ING1: variants seen among roughly 807,000 people sequenced by gnomAD.
The protein encoded by ING1 is inhibitor of growth protein 1.
Under a neutral mutation model 23.1 loss-of-function variants are expected in ING1, and 4 were observed. The observed-to-expected ratio is 0.17, with a 90% CI of 0.09 to 0.40. The LOEUF (loss-of-function observed/expected upper bound fraction) is 0.40. Ranked by LOEUF, ING1 falls within the 10% of genes least tolerant of loss-of-function variation. The pLI, the probability that ING1 is intolerant of heterozygous loss-of-function variation, is 1.00. For missense variants in ING1, 256 were observed against 393.8 expected, an observed-to-expected ratio of 0.65 and a Z score of 2.96; for synonymous variants, 179 against 166.4, an observed-to-expected ratio of 1.08 and a Z score of -0.58.
Position 110,723,077 on chromosome 13 carries a change from TATA to T in ING1, c.*3149_*3151del, listed in dbSNP as rs1469404983. On this transcript the variant is annotated 3_prime_UTR_variant, in exon 2 of 2. Transcript: ENST00000333219. ...AGGGTCCAAAGTGTTTTCGTTATGA[TATA>T]ATACTTTCTATTGTAAACTGGACTA... 1.3e-5 allele frequency: 2 copies of T among 152,216 alleles called. No individual in the cohort carries two copies. Among genetic ancestry groups the T allele is most frequent in the African/African-American group, 4.8e-5 (2 of 41,456 alleles). 9.4% of individuals were successfully genotyped at this position (152,216 alleles called of 1,614,324 possible).
chr13:110,715,046 G>C, intron 1 of ING1: 3 of 1,003,340 alleles, frequency 3.0e-6, no homozygotes, highest in Non-Finnish European at 3.6e-6. Flanking sequence ...TCGCTGGCTT[G>C]GAGAGGACTG....
At chr13:110,713,097 T>A, upstream of ING1, 1 of 1,439,378 alleles carries the variant, frequency 6.9e-7, no homozygotes, top group Non-Finnish European at 9.1e-7. Flanking sequence ...CCCGGAGGAC[T>A]TGGGTTTCTA....
rs554816174 is a variant in ING1 at position 110,715,595 on chromosome 13, G to C, written c.136+1310G>C. On this transcript the variant is annotated intron_variant, in intron 1 of 1. Coordinates refer to ENST00000333219, the MANE Select transcript of ING1 (RefSeq NM_198219.3). ...GGGAGGAGCGGGGTGGAGGGTGGAC[G>C]AGTTGATTTGAACGTCTTCGGGTCG... 2.4e-5 allele frequency: 39 copies of C among 1,613,990 alleles called. 2 individuals carry two copies. The highest frequency in any genetic ancestry group is 2.4e-4 in the South Asian group (22 of 91,088).
Position 110,714,079 on chromosome 13 carries a change from T to G in ING1, c.-71T>G. On this transcript the variant is annotated 5_prime_UTR_variant, in exon 1 of 2. The change creates a new upstream start codon in the 5' untranslated region. Coordinates refer to ENST00000333219, the MANE Select transcript of ING1 (RefSeq NM_198219.3). ...AGGGCTTTGCATTTTGCAGTGCTAT[T>G]TTTTGAGGGGGGCGGGGGGTGGAGG... The G allele has an allele frequency of 3.5e-6, 5 of 1,437,258 alleles. No individual in the cohort carries two copies. The highest frequency in any genetic ancestry group is 5.2e-5 in the Admixed American group (2 of 38,418). 89.0% of individuals were successfully genotyped at this position (1,437,258 alleles called of 1,614,324 possible).
At chr13:110,713,493 C>T, upstream of ING1, 1 of 987,244 alleles carries the variant, frequency 1.0e-6, no homozygotes, top group African/African-American at 1.7e-5. Context: ...TGACGCTGTC[C>T]CCTCCGCGAC....
In ING1 at chr13:110,715,651, C is replaced by G. The variant is rs759432527; in HGVS notation, c.136+1366C>G. ...CCTCCAGCCTTGGATTGGTTCTTCT[C>G]GCTGCTGGGGCGGGCCGTGCTCTTC... On this transcript the variant is annotated intron_variant, in intron 1 of 1. Coordinates refer to ENST00000333219, the MANE Select transcript of ING1 (RefSeq NM_198219.3). The G allele has an allele frequency of 1.3e-5, 21 of 1,612,640 alleles. No homozygotes were observed. The highest frequency in any genetic ancestry group is 1.8e-5 in the Non-Finnish European group (21 of 1,179,476).
chr13:110,720,981 T>C lies in ING1; in HGVS notation c.*1049T>C, dbSNP rs1424790174. 1 of 167,130 alleles carries C rather than the reference T, an allele frequency of 6.0e-6. No homozygotes were observed. Among genetic ancestry groups the C allele is most frequent in the African/African-American group, 2.4e-5 (1 of 41,458 alleles). 10.4% of individuals were successfully genotyped at this position (167,130 alleles called of 1,614,324 possible). A position where few individuals can be genotyped will look rare whatever the true frequency, so the allele number is the denominator to read the frequency against. On this transcript the variant is annotated 3_prime_UTR_variant, in exon 2 of 2. Coordinates refer to ENST00000333219, the MANE Select transcript of ING1 (RefSeq NM_198219.3). ...GTATTCAGACCCTGGGTCAGGAAATTACTGCCCACTTGTCAAGTTCAGCCC... is the reference window on the plus strand; with the variant it reads ...GTATTCAGACCCTGGGTCAGGAAATCACTGCCCACTTGTCAAGTTCAGCCC...
chr13:110,713,054 C>A, upstream of ING1: 1 of 1,463,338 alleles, frequency 6.8e-7, no homozygotes, highest in Non-Finnish European at 9.0e-7. Context: ...CCGCCACTTC[C>A]GCCCGTGCCC....
At chr13:110,713,162 G>A, upstream of ING1, 5 of 1,429,576 alleles carry the variant, frequency 3.5e-6, no homozygotes, top group Non-Finnish European at 4.6e-6. Context: ...TCTTCATCGT[G>A]ATTGGGCTGT....
intron 1 of ING1, among the ~76,000 whole-genome samples, chr13:110,714,718 C>T (rs1400008994): frequency 6.6e-6 from 1 of 152,166 alleles, no homozygotes; most frequent in Non-Finnish European, 1.5e-5. Flanking sequence ...TTCCCGCGGA[C>T]CCGGTGCCTC....
chr13:110,717,190 A>G (rs1461073509), intron 1 of ING1, among the ~76,000 whole-genome samples: 1 of 152,220 alleles, frequency 6.6e-6, no homozygotes, highest in Non-Finnish European at 1.5e-5. Context: ...AATGGTACAC[A>G]TATTTTAACA....
intron 1 of ING1, chr13:110,715,806 G>T: frequency 6.3e-7 from 1 of 1,586,092 alleles, no homozygotes. Flanking sequence ...AGGCCTGGCG[G>T]GTGTCGCCCC....
chr13:110,715,752 G>C, intron 1 of ING1: 1 of 1,583,130 alleles, frequency 6.3e-7, no homozygotes, highest in Admixed American at 1.8e-5. Flanking sequence ...GCGGCTCTCG[G>C]GGTGCGGGGC....
chr13:110,717,574 C>T (rs1033437668), intron 1 of ING1, among the ~76,000 whole-genome samples: 21 of 152,202 alleles, frequency 1.4e-4, no homozygotes, highest in African/African-American at 5.1e-4. Flanking sequence ...CTCCTGTAAT[C>T]CCAGCACCAT....
At chr13:110,718,673 TAAAG>T (rs1249041131) in intron 1 of ING1, among the ~76,000 whole-genome samples, 2 of 152,006 alleles carry the variant, frequency 1.3e-5, no homozygotes, top group African/African-American at 4.8e-5. Context: ...TATATTAAAA[TAAAG>T]AAAATAAAGA....
chr13:110,713,922 C>T lies in ING1; in HGVS notation c.-228C>T. On this transcript the variant is annotated 5_prime_UTR_variant, in exon 1 of 2. Coordinates refer to ENST00000333219, the MANE Select transcript of ING1 (RefSeq NM_198219.3). ...CTGCGCCGCCGGCCGGGGCGTGCGC[C>T]CGGGAGCCACCGCCACCGCGGCCCG... 1.0e-6 allele frequency: 1 copy of T among 987,238 alleles called. No individual in the cohort carries two copies. The allele number at this position is 987,238 out of a possible 1,614,324, so 61.2% of individuals were successfully genotyped here.
rs552662979 is a variant in ING1, at chr13:110,714,465, G to A, written c.136+180G>A. Among the ~76,000 whole-genome samples the A allele has an allele frequency of 2.0e-3, 300 of 152,244 alleles. 2 individuals carry two copies. Among genetic ancestry groups the A allele is most frequent in the African/African-American group, 6.8e-3 (284 of 41,556 alleles). ...GCCTTTGATTCGCCAAGGTCCTTGT[G>A]TGCAAAGCCCGGGACACGGAGGAGG... On this transcript the variant is annotated intron_variant, in intron 1 of 1. Coordinates refer to ENST00000333219, the MANE Select transcript of ING1 (RefSeq NM_198219.3).
At chr13:110,715,587 G>A (rs2064109168) in intron 1 of ING1, 2 of 1,614,130 alleles carry the variant, frequency 1.2e-6, no homozygotes, top group Middle Eastern at 1.6e-4. Context: ...GCGGGGTGGA[G>A]GGTGGACGAG....
At chr13:110,713,421 C>T (rs1366120624), upstream of ING1, 5 of 1,006,144 alleles carry the variant, frequency 5.0e-6, no homozygotes, top group African/African-American at 3.4e-5. Flanking sequence ...GGCTCTGCCT[C>T]CAAGTGCCAA....
Sources: gnomAD v4.1 joint callset for allele counts (sites outside exome capture counted in the v4.1 genomes callset) on GRCh38, gnomAD v4.1.1 for gene constraint, MANE v1.5 for transcripts, NCBI Gene and HGNC (gene_info 2026-07-23, HGNC 2026-07-21) for gene names.